The following VPS9D1 variants were observed in gnomAD, a reference collection of about 807,000 sequenced individuals.
The protein encoded by VPS9D1 is VPS9 domain-containing protein 1.
Under a neutral mutation model 75.8 loss-of-function variants are expected in VPS9D1, and 78 were observed. That is an observed-to-expected ratio of 1.03 (90% CI 0.86 to 1.24). VPS9D1 has a LOEUF of 1.24. Ranked by LOEUF, VPS9D1 falls within the 50% of genes most tolerant of loss-of-function variation. The pLI, the probability that VPS9D1 is intolerant of heterozygous loss-of-function variation, is 0.00. For synonymous variants in VPS9D1, 481 were observed against 385.6 expected (o/e 1.25, Z -2.90); for missense variants, 1,057 against 847.7 (o/e 1.25, Z -3.07).
Position 89,711,936 on chromosome 16 carries a change from C to T in VPS9D1, c.693G>A (p.Glu231=), listed in dbSNP as rs935623205. ...RFCSQVALTP[E]EREQRALYAA... is the part of the protein sequence containing the mutation. The stretch of plus-strand genomic sequence containing the variant: ...CGTAAAGGGCCCGCTGCTCCCGTTC[C>T]TCCGGGGTCAGGGCGACTTGGCTGC... The change falls in exon 8 of 15, where the codon GAG becomes GAA. Residue 231 remains glutamate, a synonymous_variant. Coordinates refer to ENST00000389386, the MANE Select transcript of VPS9D1 (RefSeq NM_004913.3). 1.3e-6 allele frequency: 2 copies of T among 1,551,432 alleles called. No individual in the cohort carries two copies. The highest frequency in any genetic ancestry group is 2.7e-5 in the African/African-American group (2 of 73,098).
intron 11 of VPS9D1, 102 bp from the exon 12 acceptor site, chr16:89,709,537 T>C: frequency 7.3e-7 from 1 of 1,362,092 alleles, no homozygotes. Context: ...ACTGGCTATG[T>C]ATCTCAAGCA....
chr16:89,717,058 C>A (rs1468689716), intron 2 of VPS9D1, among the ~76,000 whole-genome samples: 4 of 109,362 alleles, frequency 3.7e-5, no homozygotes, highest in Non-Finnish European at 7.5e-5. Flanking sequence ...AACTGACTGA[C>A]CCTAGGCAAG....
At position 89,711,965 on chromosome 16, in the gene VPS9D1, A is replaced by G; in HGVS notation, c.664T>C (p.Phe222Leu). 6.4e-7 allele frequency: 1 copy of G among 1,550,492 alleles called. No homozygotes were observed. The highest frequency in any genetic ancestry group is 2.4e-5 in the East Asian group (1 of 40,912). ...LRLQEAANRR[F>L]CSQVALTPEE... ...GGGGTCAGGGCGACTTGGCTGCAAA[A>G]CCTCCTGGGGAGAAAGGCACGCGGT... The change falls in exon 8 of 15, where the codon TTT becomes CTT. Residue 222 changes from phenylalanine to leucine, a missense_variant. Transcript: ENST00000389386.
chr16:89,711,773 C>T, intron 8 of VPS9D1, 109 bp downstream of exon 8: 4 of 1,296,282 alleles, frequency 3.1e-6, no homozygotes, highest in Non-Finnish European at 4.2e-6. Flanking sequence ...CCCCTCACTG[C>T]CCCCCACAGC....
chr16:89,707,640 A>G lies in VPS9D1; in HGVS notation c.*221T>C. The G allele has an allele frequency of 1.9e-6, 1 of 539,978 alleles. No individual in the cohort carries two copies. 33.4% of individuals were successfully genotyped at this position (539,978 alleles called of 1,614,324 possible). ...TTCCTCCTGGAGCTGATTCAGCCCC[A>G]TTCTGTCGGGGCAGAGGTGCCAACC... On this transcript the variant is annotated 3_prime_UTR_variant, in exon 15 of 15. Coordinates refer to ENST00000389386, the MANE Select transcript of VPS9D1 (RefSeq NM_004913.3).
chr16:89,717,725 A>G (rs2061109844), intron 2 of VPS9D1: 1 of 455,402 alleles, frequency 2.2e-6, no homozygotes, highest in Non-Finnish European at 4.4e-6. Context: ...TGCTCTCCCC[A>G]GGGGATCCTC....
chr16:89,716,106 GC>G (rs1346778540), intron 4 of VPS9D1, among the ~76,000 whole-genome samples: 1 of 151,838 alleles, frequency 6.6e-6, no homozygotes, highest in East Asian at 2.0e-4. Flanking sequence ...GGTGACTCAC[GC>G]TGTAATCCCA....
chr16:89,719,345 G>A (rs998724495), intron 1 of VPS9D1: 2 of 602,442 alleles, frequency 3.3e-6, no homozygotes, highest in Non-Finnish European at 6.2e-6. Flanking sequence ...GAGAGAGAGA[G>A]AGCCAGGGAC....
At chr16:89,720,204 C>A (rs979895895) in intron 1 of VPS9D1, among the ~76,000 whole-genome samples, 2 of 152,196 alleles carry the variant, frequency 1.3e-5, no homozygotes, top group African/African-American at 4.8e-5. Flanking sequence ...CACAGGCAGG[C>A]TCCTTCCCTC....
In VPS9D1 at chr16:89,709,818, G is replaced by T. The variant is rs2060874359; in HGVS notation, c.1347C>A (p.Pro449=). The change falls in exon 11 of 15, where the codon CCC becomes CCA. Residue 449 remains proline (P), a synonymous_variant. Transcript: ENST00000389386. ...GCAGAGGCCACAGCGGGGAGAAAAAGGGTTCCTCAATGCAGGCCAGGCAGC... is the reference window on the plus strand; with the variant it reads ...GCAGAGGCCACAGCGGGGAGAAAAATGGTTCCTCAATGCAGGCCAGGCAGC... ...KDRCLACIEE[P]FFSPLWPLLL... 1.2e-6 allele frequency: 2 copies of T among 1,613,760 alleles called. No homozygotes were observed. Among genetic ancestry groups the T allele is most frequent in the Non-Finnish European group, 1.7e-6 (2 of 1,179,942 alleles).
In VPS9D1 at chr16:89,719,013, T is replaced by G. The variant is rs759980310; in HGVS notation, c.175+14A>C. 1.2e-6 allele frequency: 2 copies of G among 1,610,140 alleles called. No individual in the cohort carries two copies. The highest frequency in any genetic ancestry group is 1.7e-6 in the Non-Finnish European group (2 of 1,177,606). On this transcript the variant is annotated intron_variant, in intron 2 of 14. Coordinates refer to ENST00000389386, the MANE Select transcript of VPS9D1 (RefSeq NM_004913.3). The stretch of plus-strand genomic sequence containing the variant: ...ACAGGCGTGAGCCACCGCGCCCGGC[T>G]GGCTGAGCCGTACCTTTAGTGGTTT...
At chr16:89,711,861 C>T (rs1314765067) in intron 8 of VPS9D1, 21 bp downstream of exon 8, 1 of 1,549,470 alleles carries the variant, frequency 6.5e-7, no homozygotes. Flanking sequence ...CCTACAAAGC[C>T]TGGGCCCGTG....
chr16:89,708,865 T>C lies in VPS9D1; in HGVS notation c.1689A>G (p.Ala563=). 1 of 1,581,458 alleles carries C rather than the reference T, an allele frequency of 6.3e-7. No individual in the cohort carries two copies. Among genetic ancestry groups the C allele is most frequent in the Non-Finnish European group, 8.5e-7 (1 of 1,170,924 alleles). Residue 563 remains alanine, a synonymous_variant, in exon 13 of 15, where the codon GCA becomes GCG. Transcript: ENST00000389386. The stretch of plus-strand genomic sequence containing the variant: ...GCCCTCCTGGGACTCACATGGCAGC[T>C]GCAGCGATGGGCGGGGGCCCGGCCT... ...TPQAGPPPIA[A]AAIGADDLLP...
chr16:89,716,147 A>G (rs2061061773), intron 4 of VPS9D1, among the ~76,000 whole-genome samples: 3 of 151,990 alleles, frequency 2.0e-5, no homozygotes, highest in Admixed American at 1.3e-4. Context: ...CAGGCGCATC[A>G]CGAGGTCAGG....
rs1228120847 is a variant in VPS9D1, at chr16:89,712,502, C to A, written c.564G>T (p.Gln188His). ...KTSLTLSLQR[Q>H]MMENLVIAKA... ...TGGCAATCACTAGGTTCTCCATCAT[C>A]TGCCGCTGTAGAGAGAGGGTCTGGG... The change falls in exon 6 of 15, where the codon CAG becomes CAT. Residue 188 changes from glutamine to histidine, a missense_variant. Coordinates refer to ENST00000389386, the MANE Select transcript of VPS9D1 (RefSeq NM_004913.3). The A allele has an allele frequency of 6.2e-7, 1 of 1,613,230 alleles. No homozygotes were observed. The highest frequency in any genetic ancestry group is 1.7e-5 in the Admixed American group (1 of 60,002).
intron 2 of VPS9D1, 47 bp downstream of exon 2, chr16:89,718,980 C>T (rs1406335110): frequency 2.6e-6 from 4 of 1,537,422 alleles, no homozygotes; most frequent in Non-Finnish European, 3.6e-6. Flanking sequence ...TCCCACAGTG[C>T]TGGGATTACA....
In VPS9D1 at chr16:89,710,839, C is replaced by A. The variant is rs1447360015; in HGVS notation, c.1005G>T (p.Leu335=). The A allele has an allele frequency of 1.3e-6, 2 of 1,527,002 alleles. No individual in the cohort carries two copies. The highest frequency in any genetic ancestry group is 2.8e-5 in the African/African-American group (2 of 72,616). 94.6% of individuals were successfully genotyped at this position (1,527,002 alleles called of 1,614,324 possible). Residue 335 remains leucine (L), a synonymous_variant, in exon 10 of 15, where the codon CTG becomes CTT. Coordinates refer to ENST00000389386, the MANE Select transcript of VPS9D1 (RefSeq NM_004913.3). ...GGGCTGCGCTGGGCTCGGGCGGGGACAGCATGCAATGGAGGCTCTGCGAGG... is the reference window on the plus strand; with the variant it reads ...GGGCTGCGCTGGGCTCGGGCGGGGAAAGCATGCAATGGAGGCTCTGCGAGG... ...LRPSQSLHCM[L]SPPEPSAAPR...
intron 13 of VPS9D1, 109 bp downstream of exon 13, chr16:89,708,748 G>C (rs1002247889): frequency 6.4e-6 from 8 of 1,256,150 alleles, no homozygotes; most frequent in Non-Finnish European, 8.7e-6. Flanking sequence ...TGCTTCTACA[G>C]TGCAGCCAGC....
chr16:89,718,654 T>G (rs1775362082), intron 2 of VPS9D1, among the ~76,000 whole-genome samples: 1 of 152,036 alleles, frequency 6.6e-6, no homozygotes, highest in Admixed American at 6.5e-5. Flanking sequence ...AGGGCTAGGA[T>G]GCCCACAATT....
Sources: gnomAD v4.1 joint callset for allele counts (sites outside exome capture counted in the v4.1 genomes callset) on GRCh38, gnomAD v4.1.1 for gene constraint, MANE v1.5 for transcripts, NCBI Gene and HGNC (gene_info 2026-07-23, HGNC 2026-07-21) for gene names.